The following MME variants were observed in gnomAD, a reference collection of about 807,000 sequenced individuals.
The protein encoded by MME is membrane metalloendopeptidase.
A neutral mutation model predicts 113.2 loss-of-function variants in MME; 98 were observed. The observed-to-expected ratio is 0.87, with a 90% CI of 0.74 to 1.02. The LOEUF (loss-of-function observed/expected upper bound fraction) is 1.02, where lower values mean the gene tolerates loss of function less well. Ranked by LOEUF, MME falls within the 50% of genes least tolerant of loss-of-function variation. MME has a pLI of 0.00. For missense variants in MME, 836 were observed against 896.0 expected (o/e 0.93, Z 0.86); for synonymous variants, 292 against 300.6 (o/e 0.97, Z 0.30).
At chr3:155,113,696 A>C (rs1427352921) in intron 3 of MME, among the ~76,000 whole-genome samples, 1 of 152,198 alleles carries the variant, frequency 6.6e-6, no homozygotes, top group African/African-American at 2.4e-5. Context: ...TTCTAGTCAA[A>C]AAGGAATGAT....
chr3:155,036,867 A>G (rs557071634), intron 1 of MME, among the ~76,000 whole-genome samples: 109 of 152,224 alleles, frequency 7.2e-4, no homozygotes, highest in Non-Finnish European at 9.7e-4. Context: ...GAAGATTTAC[A>G]GTTTTAGTTT....
rs202024179 is a variant in MME at position 155,166,941 on chromosome 3, C to A, written c.1700C>A (p.Ala567Asp). 2.2e-5 allele frequency: 35 copies of A among 1,613,586 alleles called. No homozygotes were observed. In the South Asian group the frequency reaches 3.6e-4, roughly 17 times the overall value. Residue 567 changes from alanine (A) to aspartate (D), a missense_variant, in exon 18 of 23, where the codon GCC becomes GAC. Ala to Asp is a moderately radical substitution (Grantham distance 126). Transcript: ENST00000360490. ...ATTCTGCAGCCCCCCTTCTTTAGTG[C>A]CCAGCAGTCCAACTCATTGAACTAT... ...AGILQPPFFS[A>D]QQSNSLNYGG...
At position 155,142,291 on chromosome 3, in the gene MME, C is replaced by G. The variant is rs778910637; in HGVS notation, c.1149C>G (p.Leu383=). The change falls in exon 12 of 23, where the codon CTC becomes CTG. Residue 383 remains leucine (L), a synonymous_variant. Transcript: ENST00000360490. ...TCATAATGGATCTTGTAAGCAGCCT[C>G]AGCCGAACCTACAAGGAGTCCAGAA... ...WRFIMDLVSS[L]SRTYKESRNA... 10 of 1,613,616 alleles carry G rather than the reference C, an allele frequency of 6.2e-6. No individual in the cohort carries two copies. Among genetic ancestry groups the G allele is most frequent in the Middle Eastern group, 3.3e-4 (2 of 6,062 alleles).
At chr3:155,047,794 A>C (rs1335691403) in intron 1 of MME, among the ~76,000 whole-genome samples, 1 of 152,008 alleles carries the variant, frequency 6.6e-6, no homozygotes, top group African/African-American at 2.4e-5. Flanking sequence ...TGGGTAGACT[A>C]TGGTTTCTGT....
rs113257629 is a variant in MME at position 155,052,045 on chromosome 3, C to T, written c.-11+27721C>T. Among the ~76,000 whole-genome samples, 140 of 152,254 alleles carry T rather than the reference C, an allele frequency of 9.2e-4. 1 individual carries two copies. The highest frequency in any genetic ancestry group is 3.1e-3 in the African/African-American group (128 of 41,540). ...CATACAAATCTGAAATCAATAGGGC[C>T]GTTATTAAAACTTAATGCTCCAAAA... On this transcript the variant is annotated intron_variant, in intron 1 of 22. Transcript: ENST00000492661.
chr3:155,029,253 C>G (rs756414620), intron 1 of MME, among the ~76,000 whole-genome samples: 2 of 152,030 alleles, frequency 1.3e-5, no homozygotes, highest in Non-Finnish European at 2.9e-5. Context: ...TTAATAAAAC[C>G]TTAAAAACAA....
intron 3 of MME, among the ~76,000 whole-genome samples, chr3:155,100,876 T>C (rs901898336): frequency 1.3e-5 from 2 of 152,164 alleles, no homozygotes; most frequent in South Asian, 4.1e-4. Context: ...AATAACTTAG[T>C]AGCAATTGGT....
intron 3 of MME, among the ~76,000 whole-genome samples, chr3:155,106,120 G>A (rs761167867): frequency 2.6e-5 from 4 of 152,148 alleles, no homozygotes; most frequent in Non-Finnish European, 5.9e-5. Flanking sequence ...TTACTTAAGA[G>A]TACAGCTGTA....
At chr3:155,030,270 C>T (rs1032325979) in intron 1 of MME, among the ~76,000 whole-genome samples, 1 of 151,992 alleles carries the variant, frequency 6.6e-6, no homozygotes, top group Non-Finnish European at 1.5e-5. Flanking sequence ...AGGGAGATGC[C>T]CTTACAAATG....
intron 8 of MME, among the ~76,000 whole-genome samples, chr3:155,133,187 C>T (rs975640974): frequency 1.3e-5 from 2 of 150,714 alleles, no homozygotes; most frequent in African/African-American, 4.9e-5. Flanking sequence ...AATCACATCT[C>T]GTACAATGGA....
rs1715428933 is a variant in MME, at chr3:155,084,142, T to C, written c.-10-16T>C. On this transcript the variant is annotated splice_polypyrimidine_tract_variant and intron_variant, in intron 1 of 22. Coordinates refer to ENST00000360490, the MANE Select transcript of MME (RefSeq NM_007289.4). ...ATTTATTTGTTTTTCATTATTAGTA[T>C]TTTCATTTTTTGCAGATTTTAGGTG... The C allele has an allele frequency of 6.3e-7, 1 of 1,597,884 alleles. No homozygotes were observed. Among genetic ancestry groups the C allele is most frequent in the Non-Finnish European group, 8.6e-7 (1 of 1,165,448 alleles).
intron 1 of MME, among the ~76,000 whole-genome samples, chr3:155,072,079 T>C (rs1454387214): frequency 1.4e-5 from 2 of 142,342 alleles, no homozygotes; most frequent in Non-Finnish European, 3.0e-5. Flanking sequence ...GAGAATGGCA[T>C]GAACCCGGGA....
intron 3 of MME, among the ~76,000 whole-genome samples, chr3:155,092,261 A>G (rs1487139465): frequency 1.3e-5 from 2 of 152,206 alleles, no homozygotes; most frequent in African/African-American, 4.8e-5. Flanking sequence ...AGCTATCTGG[A>G]TATCTCTTAA....
chr3:155,109,698 G>A (rs1211572523), intron 3 of MME, among the ~76,000 whole-genome samples: 1 of 152,070 alleles, frequency 6.6e-6, no homozygotes, highest in Non-Finnish European at 1.5e-5. Flanking sequence ...AAAATGTCTG[G>A]ACCCCCTCCA....
At chr3:155,088,205 C>CGT (rs1201533543) in intron 3 of MME, among the ~76,000 whole-genome samples, 2 of 141,770 alleles carry the variant, frequency 1.4e-5, no homozygotes, top group African/African-American at 2.5e-5. Flanking sequence ...CACACACACT[C>CGT]GTGCGCGCAC....
intron 22 of MME, among the ~76,000 whole-genome samples, chr3:155,180,133 A>C (rs61760454): frequency 1.3e-5 from 2 of 152,226 alleles, no homozygotes; most frequent in Non-Finnish European, 2.9e-5. Context: ...GATTCAAGCC[A>C]TGTAGTCTGT....
chr3:155,113,681 G>A (rs1177509433), intron 3 of MME, among the ~76,000 whole-genome samples: 37 of 152,106 alleles, frequency 2.4e-4, no homozygotes, highest in Admixed American at 2.4e-3. Flanking sequence ...GAAGAACTGG[G>A]TGACTTCTAG....
chr3:155,027,421 C>T (rs1196438475), intron 1 of MME, among the ~76,000 whole-genome samples: 1 of 152,208 alleles, frequency 6.6e-6, no homozygotes, highest in Non-Finnish European at 1.5e-5. Context: ...TCTTTCTAGT[C>T]CTGCTCACTC....
chr3:155,113,564 A>G (rs1364787245), intron 3 of MME, among the ~76,000 whole-genome samples: 1 of 152,082 alleles, frequency 6.6e-6, no homozygotes, highest in Non-Finnish European at 1.5e-5. Flanking sequence ...TTATAATTTA[A>G]CCTGGGAAAT....
Sources: allele counts gnomAD v4.1 joint callset (sites outside exome capture counted in the v4.1 genomes callset), GRCh38; gene constraint gnomAD v4.1.1; transcripts MANE v1.5; gene names NCBI Gene and HGNC (gene_info 2026-07-23, HGNC 2026-07-21).